The following ANKRA2 variants were observed in gnomAD, a reference collection of about 807,000 sequenced individuals.
ANKRA2 encodes the protein ankyrin repeat family A member 2, also known as ankyrin repeat family A protein 2.
ANKRA2 carries 33 observed loss-of-function variants against 37.8 expected under a neutral mutation model. The ratio of observed to expected loss-of-function variants is 0.87; its 90% CI spans 0.66 to 1.17. The LOEUF (loss-of-function observed/expected upper bound fraction) is 1.17, where lower values mean the gene tolerates loss of function less well. ANKRA2 is among the 50% of genes most tolerant of loss of function. The probability of loss-of-function intolerance (pLI) is 0.00; values close to 1 mark genes in which losing one functional copy is unlikely to be tolerated. For missense variants in ANKRA2, 326 were observed against 373.7 expected (o/e 0.87, Z 1.05); for synonymous variants, 126 against 132.3 (o/e 0.95, Z 0.33).
Position 73,552,349 on chromosome 5 carries a change from TTTTA to T in ANKRA2, c.*444_*447del, listed in dbSNP as rs1048274496. ...AGTATGCAAACTGACAGAAGAAGTA[TTTTA>T]TTTATTTATAATATCATTTTGTAAA... is the stretch of plus-strand genomic sequence containing the variant. On this transcript the variant is annotated 3_prime_UTR_variant, in exon 9 of 9. Coordinates refer to ENST00000296785, the MANE Select transcript of ANKRA2 (RefSeq NM_023039.5). 1 of 152,864 alleles carries T rather than the reference TTTTA, an allele frequency of 6.5e-6. No individual in the cohort carries two copies. Among genetic ancestry groups the T allele is most frequent in the African/African-American group, 2.4e-5 (1 of 41,462 alleles). The allele number at this position is 152,864 out of a possible 1,614,324, so 9.5% of individuals were successfully genotyped here. A position where few individuals can be genotyped will look rare whatever the true frequency, so the allele number is the denominator to read the frequency against.
At position 73,562,657 on chromosome 5, in the gene ANKRA2, T is replaced by C. The variant is rs1406559382; in HGVS notation, c.225A>G (p.Glu75=). The C allele has an allele frequency of 6.2e-7, 1 of 1,614,236 alleles. No individual in the cohort carries two copies. Among genetic ancestry groups the C allele is most frequent in the Non-Finnish European group, 8.5e-7 (1 of 1,180,026 alleles). The change falls in exon 2 of 9, where the codon GAA becomes GAG. Residue 75 remains glutamate (E), a synonymous_variant. Transcript: ENST00000296785. ...CSRFVKSLNE[E]DSKNIQDQVN... ...CCTGATCTTGAATATTTTTACTATC[T>C]TCTTCATTTAAGGACTTCACAAATC...
chr5:73,555,217 G>T, intron 5 of ANKRA2: 1 of 1,329,826 alleles, frequency 7.5e-7, no homozygotes, highest in Non-Finnish European at 9.8e-7. Context: ...TCAAGTCACA[G>T]CTCCTCCATG....
intron 7 of ANKRA2, 79 bp downstream of exon 7, chr5:73,554,243 G>T: frequency 8.5e-7 from 1 of 1,170,522 alleles, no homozygotes; most frequent in Non-Finnish European, 1.3e-6. Context: ...TGATTCTCCT[G>T]AGTAGTACCA....
intron 1 of ANKRA2, among the ~76,000 whole-genome samples, chr5:73,563,722 A>G (rs552055438): frequency 1.3e-5 from 2 of 151,828 alleles, no homozygotes; most frequent in East Asian, 3.9e-4. Flanking sequence ...AAGGAAATTA[A>G]TAACATCCAG....
rs776858383 is a variant in ANKRA2, at chr5:73,555,594, A to C, written c.515-9T>G. 6.2e-7 allele frequency: 1 copy of C among 1,609,536 alleles called. No homozygotes were observed. The highest frequency in any genetic ancestry group is 8.5e-7 in the Non-Finnish European group (1 of 1,177,006). ...GTGATTGATAACATTTTCTATTTAAAAGAAAAGCAATTTTTGTGATCTAAT... is the reference window on the plus strand; with the variant it reads ...GTGATTGATAACATTTTCTATTTAACAGAAAAGCAATTTTTGTGATCTAAT... On this transcript the variant is annotated splice_polypyrimidine_tract_variant and intron_variant, in intron 4 of 8. Transcript: ENST00000296785.
At chr5:73,564,441 T>C (rs1193931035) in intron 1 of ANKRA2, among the ~76,000 whole-genome samples, 1 of 152,232 alleles carries the variant, frequency 6.6e-6, no homozygotes, top group Non-Finnish European at 1.5e-5. Context: ...GGACCACTCT[T>C]ACTAATTTTT....
Position 73,565,605 on chromosome 5 carries a change from AGTTGACG to A in ANKRA2, c.-585_-579del. On this transcript the variant is annotated 5_prime_UTR_variant, in exon 1 of 9. Coordinates refer to ENST00000296785, the MANE Select transcript of ANKRA2 (RefSeq NM_023039.5). ...AGTACTACACAGACAGGGTCATTTC[AGTTGACG>A]GTTCTGGGTCACCAGAGCAGAGGAA... The A allele has an allele frequency of 2.7e-6, 1 of 368,356 alleles. No individual in the cohort carries two copies. Among genetic ancestry groups the A allele is most frequent in the South Asian group, 2.0e-5 (1 of 50,254 alleles). The allele number at this position is 368,356 out of a possible 1,614,324, so 22.8% of individuals were successfully genotyped here. A position where few individuals can be genotyped will look rare whatever the true frequency, so the allele number is the denominator to read the frequency against.
chr5:73,557,147 A>T (rs1281257259), intron 4 of ANKRA2, among the ~76,000 whole-genome samples: 2 of 151,528 alleles, frequency 1.3e-5, no homozygotes, highest in Non-Finnish European at 2.9e-5. Context: ...TACAATGCAC[A>T]CTTATGGAAC....
chr5:73,565,161 A>G lies in ANKRA2; in HGVS notation c.-134T>C, dbSNP rs1334489820. The G allele has an allele frequency of 6.6e-6, 1 of 152,196 alleles. No homozygotes were observed. Among genetic ancestry groups the G allele is most frequent in the Non-Finnish European group, 1.5e-5 (1 of 68,034 alleles). 9.4% of individuals were successfully genotyped at this position (152,196 alleles called of 1,614,324 possible). A position where few individuals can be genotyped will look rare whatever the true frequency, so the allele number is the denominator to read the frequency against. ...GACAGGTGTCCCAGCGTCCCGAGAC[A>G]GGAGCCCGCTGTCTCCCGCTGGAGG... On this transcript the variant is annotated 5_prime_UTR_variant, in exon 1 of 9. Transcript: ENST00000296785.
Position 73,554,968 on chromosome 5 carries a change from A to C in ANKRA2, c.631T>G (p.Leu211Val). 6.2e-7 allele frequency: 1 copy of C among 1,613,436 alleles called. No individual in the cohort carries two copies. Among genetic ancestry groups the C allele is most frequent in the Non-Finnish European group, 8.5e-7 (1 of 1,179,692 alleles). The stretch of plus-strand genomic sequence containing the variant: ...AGTGCACTTTCTCGACCTTTTCCTA[A>C]AAGTTGGGGATCAGCACCCTGGTAT... ...LLQNGADPQL[L>V]GKGRESALSL... The change falls in exon 6 of 9, where the codon TTA (leucine) becomes GTA (valine). Residue 211 changes from leucine (L) to valine (V), a missense_variant. Leu to Val is a conservative substitution (Grantham distance 32, BLOSUM62 1). This residue lies in a region of ANKRA2 where 228 missense variants were observed against 260.2 expected (regional missense o/e 0.88). Coordinates refer to ENST00000296785, the MANE Select transcript of ANKRA2 (RefSeq NM_023039.5).
chr5:73,554,561 TTTC>T, intron 6 of ANKRA2, 173 bp from the exon 7 acceptor site: 1 of 572,496 alleles, frequency 1.7e-6, no homozygotes, highest in Non-Finnish European at 3.0e-6. Flanking sequence ...ATATTAACTT[TTTC>T]TTCTATGTAG....
chr5:73,560,412 G>A lies in ANKRA2; in HGVS notation c.448+718C>T, dbSNP rs536660629. Reference sequence around the variant, plus strand: ...GTCTCACTCTGTCACCCAGGCTGGAGTGCAATGGTGCTATTTCAGCTCATT... The same window carrying A: ...GTCTCACTCTGTCACCCAGGCTGGAATGCAATGGTGCTATTTCAGCTCATT... On this transcript the variant is annotated intron_variant, in intron 3 of 8. Coordinates refer to ENST00000296785, the MANE Select transcript of ANKRA2 (RefSeq NM_023039.5). 2.6e-5 allele frequency among the ~76,000 whole-genome samples: 4 copies of A among 152,156 alleles called. No individual in the cohort carries two copies. In the East Asian group the frequency reaches 5.8e-4, roughly 22 times the overall value.
intron 5 of ANKRA2, 153 bp from the exon 6 acceptor site, chr5:73,555,139 A>G (rs1206770509): frequency 2.8e-6 from 4 of 1,432,096 alleles, no homozygotes; most frequent in Non-Finnish European, 3.6e-6. Flanking sequence ...GGATGCTTTT[A>G]TTGAGATTGC....
At chr5:73,560,508 G>T (rs1443287872) in intron 3 of ANKRA2, among the ~76,000 whole-genome samples, 1 of 151,976 alleles carries the variant, frequency 6.6e-6, no homozygotes, top group Non-Finnish European at 1.5e-5. Flanking sequence ...ACACAGGCAT[G>T]CACCACCACG....
chr5:73,554,829 G>A lies in ANKRA2; in HGVS notation c.738+32C>T, dbSNP rs541557388. On this transcript the variant is annotated intron_variant, in intron 6 of 8. Coordinates refer to ENST00000296785, the MANE Select transcript of ANKRA2 (RefSeq NM_023039.5). ...ACCAAATAAATTCTAAAACTTGCTA[G>A]AGTCATTTTAAATTTAGTATTACAA... The A allele has an allele frequency of 8.9e-5, 142 of 1,596,602 alleles. 1 individual carries two copies. The South Asian group carries it at 1.5e-3, about 17-fold the overall frequency.
intron 3 of ANKRA2, 105 bp from the exon 4 acceptor site, chr5:73,557,745 T>A: frequency 2.8e-6 from 2 of 706,460 alleles, no homozygotes; most frequent in Non-Finnish European, 4.6e-6. Context: ...AAACAAAAAC[T>A]ACAATTTTAT....
intron 4 of ANKRA2, 35 bp from the exon 5 acceptor site, chr5:73,555,620 T>C (rs1409458854): frequency 6.4e-7 from 1 of 1,551,148 alleles, no homozygotes; most frequent in Non-Finnish European, 8.9e-7. Context: ...GTGATCTAAT[T>C]TAACAACCAT....
Position 73,562,851 on chromosome 5 carries a change from C to T in ANKRA2, c.31G>A (p.Ala11Thr). The change falls in exon 2 of 9, where the codon GCC (alanine) becomes ACC (threonine). Residue 11 changes from alanine (A) to threonine (T), a missense_variant. By Grantham distance (58) the Ala-to-Thr change is moderately conservative. Around this residue, in one of 3 missense-constraint regions of ANKRA2, gnomAD observed 93 missense variants for 91.1 expected, o/e 1.02. Transcript: ENST00000296785. ...GGACACTCTTCCACGATAAGCTGGG[C>T]TCCAATATCCAGATTTGTTGATGTA... Reference protein sequence around the residue: MDTSTNLDIGAQLIVEECPST... With the variant: MDTSTNLDIGTQLIVEECPST... 2 of 1,611,356 alleles carry T rather than the reference C, an allele frequency of 1.2e-6. No homozygotes were observed. Among genetic ancestry groups the T allele is most frequent in the Non-Finnish European group, 1.7e-6 (2 of 1,178,084 alleles).
Position 73,565,498 on chromosome 5 carries a change from G to A in ANKRA2, c.-471C>T, listed in dbSNP as rs1208552667. 4.0e-6 allele frequency: 1 copy of A among 252,572 alleles called. No homozygotes were observed. The highest frequency in any genetic ancestry group is 8.0e-6 in the Non-Finnish European group (1 of 124,828). 15.6% of individuals were successfully genotyped at this position (252,572 alleles called of 1,614,324 possible). A position where few individuals can be genotyped will look rare whatever the true frequency, so the allele number is the denominator to read the frequency against. On this transcript the variant is annotated 5_prime_UTR_variant, in exon 1 of 9. Transcript: ENST00000296785. ...GCAGCAATGCAGCTGAAACTTTCGG[G>A]TTTTCTTTTTTTTGTCCCTCTCTCC...
Sources: gnomAD v4.1 joint callset for allele counts (sites outside exome capture counted in the v4.1 genomes callset) on GRCh38, gnomAD v4.1.1 for gene constraint, gnomAD v4.1.1 regional missense constraint, MANE v1.5 for transcripts, NCBI Gene and HGNC (gene_info 2026-07-23, HGNC 2026-07-21) for gene names.